Variants in SYNJ1 observed in about 807,000 individuals in gnomAD.
SYNJ1 encodes polyphosphatidylinositol phosphatase SYNJ1.
In SYNJ1, 78 loss-of-function variants were observed where a neutral mutation model predicts 168.2. That is an observed-to-expected ratio of 0.46 (90% CI 0.39 to 0.56). The LOEUF (loss-of-function observed/expected upper bound fraction) is 0.56, where lower values mean the gene tolerates loss of function less well. Among genes scored for constraint, SYNJ1 ranks in the 20% least tolerant of loss-of-function variants. The probability of loss-of-function intolerance (pLI) is 0.00; values close to 1 mark genes in which losing one functional copy is unlikely to be tolerated. For synonymous variants in SYNJ1, 539 were observed against 548.6 expected (o/e 0.98, Z 0.24); for missense variants, 1,303 against 1,597.6 (o/e 0.82, Z 3.14).
At chr21:32,643,304 A>G in intron 27 of SYNJ1, 106 bp downstream of exon 27, 1 of 1,184,850 alleles carries the variant, frequency 8.4e-7, no homozygotes, top group South Asian at 1.3e-5. Context: ...AGCTGGACCA[A>G]GAAAAGATTT....
intron 21 of SYNJ1, among the ~76,000 whole-genome samples, chr21:32,655,671 G>A (rs2040428029): frequency 6.6e-6 from 1 of 151,720 alleles, no homozygotes; most frequent in Non-Finnish European, 1.5e-5. Flanking sequence ...AACTAGTATA[G>A]AGATCTGCCC....
chr21:32,707,286 T>C lies in SYNJ1; in HGVS notation c.125-5239A>G, dbSNP rs561973286. On this transcript the variant is annotated intron_variant, in intron 2 of 32. Coordinates refer to ENST00000674351, the MANE Select transcript of SYNJ1 (RefSeq NM_203446.3). ...AACTAAGTCTTATTTCTTTTTCCTT[T>C]TTTTTTTTTTTTTTTTTTGAGACAG... Among the ~76,000 whole-genome samples the C allele has an allele frequency of 3.5e-5, 5 of 144,876 alleles. No individual in the cohort carries two copies. The East Asian group carries it at 9.8e-4, about 29-fold the overall frequency.
At chr21:32,727,894 C>A in intron 1 of SYNJ1, 52 bp downstream of exon 1, 1 of 1,528,370 alleles carries the variant, frequency 6.5e-7, no homozygotes, top group East Asian at 2.5e-5. Flanking sequence ...GCCCGCCCGG[C>A]TGCCCGTGGG....
At position 32,681,446 on chromosome 21, in the gene SYNJ1, A is replaced by G. The variant is rs748572396; in HGVS notation, c.1353+50T>C. On this transcript the variant is annotated intron_variant, in intron 11 of 32. Coordinates refer to ENST00000674351, the MANE Select transcript of SYNJ1 (RefSeq NM_203446.3). ...AAAAGGCCATTTAAAAGCTTTATGA[A>G]GAGAGGAAAAAGAGGATATTCTGTA... The G allele has an allele frequency of 3.9e-5, 60 of 1,530,790 alleles. No individual in the cohort carries two copies. The South Asian group carries it at 7.9e-4, about 20-fold the overall frequency. 94.8% of individuals were successfully genotyped at this position (1,530,790 alleles called of 1,614,324 possible).
At chr21:32,638,653 T>C (rs1300935821) in intron 31 of SYNJ1, among the ~76,000 whole-genome samples, 1 of 152,048 alleles carries the variant, frequency 6.6e-6, no homozygotes, top group Non-Finnish European at 1.5e-5. Flanking sequence ...GCGGAGATCA[T>C]GCCACTTCAC....
chr21:32,645,573 A>G, intron 25 of SYNJ1, 73 bp downstream of exon 25: 1 of 1,432,532 alleles, frequency 7.0e-7, no homozygotes, highest in East Asian at 2.6e-5. Flanking sequence ...TAGAGATTGG[A>G]AAACATGCAA....
intron 2 of SYNJ1, among the ~76,000 whole-genome samples, chr21:32,719,412 A>G (rs1196082509): frequency 6.6e-6 from 1 of 152,236 alleles, no homozygotes; most frequent in African/African-American, 2.4e-5. Flanking sequence ...ACTCTGTTCC[A>G]AGGTTTGAAA....
At chr21:32,707,235 G>T in intron 2 of SYNJ1, among the ~76,000 whole-genome samples, 1 of 146,216 alleles carries the variant, frequency 6.8e-6, no homozygotes, top group Non-Finnish European at 1.5e-5. Flanking sequence ...TTATACTATA[G>T]TTACATGTAA....
intron 5 of SYNJ1, 53 bp from the exon 6 acceptor site, chr21:32,694,364 T>A (rs960721801): frequency 7.4e-5 from 102 of 1,382,954 alleles, no homozygotes; most frequent in Non-Finnish European, 2.6e-5. Flanking sequence ...GTTGTTACAC[T>A]TACATTAGAA....
At chr21:32,650,608 C>T (rs1452811367) in intron 22 of SYNJ1, among the ~76,000 whole-genome samples, 1 of 152,242 alleles carries the variant, frequency 6.6e-6, no homozygotes, top group African/African-American at 2.4e-5. Flanking sequence ...TCCTTTGCTA[C>T]AACCACTATG....
intron 2 of SYNJ1, among the ~76,000 whole-genome samples, chr21:32,721,551 C>A (rs1334189721): frequency 6.6e-6 from 1 of 151,526 alleles, no homozygotes; most frequent in Non-Finnish European, 1.5e-5. Flanking sequence ...TGGTGGGGGG[C>A]GCCTGTGGTC....
At position 32,645,720 on chromosome 21, in the gene SYNJ1, T is replaced by G; in HGVS notation, c.3317A>C (p.Lys1106Thr). The G allele has an allele frequency of 6.8e-7, 1 of 1,471,016 alleles. No individual in the cohort carries two copies. The highest frequency in any genetic ancestry group is 9.0e-7 in the Non-Finnish European group (1 of 1,112,590). 91.1% of individuals were successfully genotyped at this position (1,471,016 alleles called of 1,614,324 possible). Residue 1106 changes from lysine (K) to threonine (T), a missense_variant, in exon 25 of 33, where the codon AAG becomes ACG. Transcript: ENST00000674351. ...QKDPAQPLEP[K>T]RPPPPRPVAP... is the part of the protein sequence containing the mutation. The stretch of plus-strand genomic sequence containing the variant: ...GACCGGGCGGGGCGGCGGCGGCCGC[T>G]TGGGCTCCAAGGGCTGGGCGGGGTC...
rs1173493922 is a variant in SYNJ1 at position 32,685,860 on chromosome 21, G to C, written c.1006C>G (p.His336Asp). 2 of 1,612,840 alleles carry C rather than the reference G, an allele frequency of 1.2e-6. No individual in the cohort carries two copies. The highest frequency in any genetic ancestry group is 1.7e-5 in the Admixed American group (1 of 59,902). ...GCCTTTCCTCCCTTAACCATTTGAT[G>C]ATAGTCAAAATTCACCATCTGGATA... ...ADIQMVNFDY[H>D]QMVKGGKAEK... The change falls in exon 9 of 33, where the codon CAT becomes GAT. Residue 336 changes from histidine to aspartate, a missense_variant. Transcript: ENST00000674351.
Position 32,702,051 on chromosome 21 carries a change from C to CAA in SYNJ1, c.125-6_125-5dup. The CAA allele has an allele frequency of 6.5e-7, 1 of 1,542,686 alleles. No homozygotes were observed. Among genetic ancestry groups the CAA allele is most frequent in the South Asian group, 1.3e-5 (1 of 78,212 alleles). On this transcript the variant is annotated splice_region_variant and splice_polypyrimidine_tract_variant and intron_variant, in intron 2 of 32. Coordinates refer to ENST00000674351, the MANE Select transcript of SYNJ1 (RefSeq NM_203446.3). ...ATTGCCTCTTTTTCTGCAGATGCTACAAAAAAAAGTTTTAGTTTAAGAAAA... is the reference window on the plus strand; with the variant it reads ...ATTGCCTCTTTTTCTGCAGATGCTACAAAAAAAAAAGTTTTAGTTTAAGAAAA...
intron 14 of SYNJ1, 45 bp downstream of exon 14, chr21:32,673,295 C>G: frequency 6.5e-7 from 1 of 1,547,136 alleles, no homozygotes. Context: ...ATCAATACAA[C>G]ACAGTCAGGA....
Position 32,645,727 on chromosome 21 carries a change from C to G in SYNJ1, c.3310G>C (p.Glu1104Gln). The change falls in exon 25 of 33, where the codon GAG (glutamate) becomes CAG (glutamine). Residue 1104 changes from glutamate (E) to glutamine (Q), a missense_variant. Physicochemically the swap from Glu to Gln is conservative, Grantham distance 29. This residue lies in a region of SYNJ1 where 383 missense variants were observed against 388.8 expected (regional missense o/e 0.99). Coordinates refer to ENST00000674351, the MANE Select transcript of SYNJ1 (RefSeq NM_203446.3). ...CGGGGCGGCGGCGGCCGCTTGGGCTCCAAGGGCTGGGCGGGGTCTTTCTGC... is the reference window on the plus strand; with the variant it reads ...CGGGGCGGCGGCGGCCGCTTGGGCTGCAAGGGCTGGGCGGGGTCTTTCTGC... ...LPQKDPAQPL[E>Q]PKRPPPPRPV... 6.8e-7 allele frequency: 1 copy of G among 1,468,670 alleles called. No homozygotes were observed. The highest frequency in any genetic ancestry group is 9.0e-7 in the Non-Finnish European group (1 of 1,111,054). The allele number at this position is 1,468,670 out of a possible 1,614,324, so 91.0% of individuals were successfully genotyped here.
chr21:32,641,857 G>C (rs1349935082), intron 29 of SYNJ1, 39 bp downstream of exon 29: 1 of 1,510,318 alleles, frequency 6.6e-7, no homozygotes. Flanking sequence ...ACAGGACTTA[G>C]AACCGAGACC....
At chr21:32,706,120 G>A (rs1208777908) in intron 2 of SYNJ1, among the ~76,000 whole-genome samples, 1 of 152,166 alleles carries the variant, frequency 6.6e-6, no homozygotes, top group Non-Finnish European at 1.5e-5. Context: ...CTGAATCTAC[G>A]CATGAGCCAT....
At chr21:32,692,715 G>A (rs1231335827) in intron 6 of SYNJ1, among the ~76,000 whole-genome samples, 3 of 152,152 alleles carry the variant, frequency 2.0e-5, no homozygotes, top group African/African-American at 7.2e-5. Context: ...TACTCAGGAC[G>A]CAACCTTATT....
Sources: allele counts gnomAD v4.1 joint callset (sites outside exome capture counted in the v4.1 genomes callset), GRCh38; gene constraint gnomAD v4.1.1; regional missense constraint gnomAD v4.1.1; transcripts MANE v1.5; gene names NCBI Gene and HGNC (gene_info 2026-07-23, HGNC 2026-07-21).